The following MYRIP variants were observed in gnomAD, a reference collection of about 807,000 sequenced individuals.
MYRIP encodes rab effector MyRIP.
In MYRIP, 49 loss-of-function variants were observed where a neutral mutation model predicts 98.0. The ratio of observed to expected loss-of-function variants is 0.50; its 90% CI spans 0.40 to 0.63. MYRIP has a LOEUF of 0.63. Ranked by LOEUF, MYRIP falls within the 30% of genes least tolerant of loss-of-function variation. The pLI is 0.00. For missense variants in MYRIP, 1,004 were observed against 1,058.2 expected, an observed-to-expected ratio of 0.95 and a Z score of 0.71; for synonymous variants, 404 against 409.5, an observed-to-expected ratio of 0.99 and a Z score of 0.16.
chr3:39,998,330 A>G (rs1946422487), intron 2 of MYRIP, among the ~76,000 whole-genome samples: 1 of 152,362 alleles, frequency 6.6e-6, no homozygotes, highest in South Asian at 2.1e-4. Context: ...CAACTTCAGC[A>G]AAGTCTCAGG....
rs548997990 is a variant in MYRIP at position 39,812,013 on chromosome 3, A to T, written c.-31+2097A>T. ...TGTGTATGCACAGACTCTTGCCGGA[A>T]AGCCAAGTTAAAGGGAGATGACTGA... On this transcript the variant is annotated intron_variant, in intron 1 of 16. Transcript: ENST00000302541. 6.6e-5 allele frequency among the ~76,000 whole-genome samples: 10 copies of T among 152,236 alleles called. 1 individual carries two copies. Among genetic ancestry groups the T allele is most frequent in the African/African-American group, 2.4e-4 (10 of 41,540 alleles).
intron 2 of MYRIP, among the ~76,000 whole-genome samples, chr3:39,928,292 A>ACAG (rs1370153423): frequency 1.0e-4 from 13 of 124,212 alleles, no homozygotes; most frequent in Non-Finnish European, 1.6e-4. Flanking sequence ...TGCAGAAAAT[A>ACAG]TAGGAGGGAC....
intron 2 of MYRIP, among the ~76,000 whole-genome samples, chr3:39,974,851 C>G (rs4588298): frequency 0.012 from 1,839 of 149,052 alleles, 36 homozygotes; most frequent in African/African-American, 0.041. Context: ...ATTCAACAAC[C>G]CTTCATGCTA....
At chr3:40,058,026 T>C (rs1947918066) in intron 3 of MYRIP, among the ~76,000 whole-genome samples, 1 of 152,226 alleles carries the variant, frequency 6.6e-6, no homozygotes, top group African/African-American at 2.4e-5. Context: ...TGTTTTCATT[T>C]TGAAGTTGCT....
chr3:39,905,596 T>C (rs1307221979), intron 2 of MYRIP, among the ~76,000 whole-genome samples: 2 of 152,172 alleles, frequency 1.3e-5, no homozygotes, highest in South Asian at 2.1e-4. Flanking sequence ...CCTCTTTACC[T>C]CCTTCTGCCC....
At chr3:40,032,802 T>G (rs550657211) in intron 2 of MYRIP, among the ~76,000 whole-genome samples, 1 of 152,174 alleles carries the variant, frequency 6.6e-6, no homozygotes, top group South Asian at 2.1e-4. Context: ...TTGATGAAAA[T>G]TGATGCAAAA....
In MYRIP at chr3:39,823,315, G is replaced by C. The variant is rs550400738; in HGVS notation, c.-31+13399G>C. 9.5e-4 allele frequency among the ~76,000 whole-genome samples: 145 copies of C among 152,206 alleles called. 2 individuals are homozygous for C. In the Middle Eastern group the frequency reaches 0.027, roughly 29 times the overall value. Reference sequence around the variant, plus strand: ...AGGCGTGAGCCACCGTGCCTGGTCAGATGTCTTTTCAATACACTGATTTCT... The same window carrying C: ...AGGCGTGAGCCACCGTGCCTGGTCACATGTCTTTTCAATACACTGATTTCT... On this transcript the variant is annotated intron_variant, in intron 1 of 16. Transcript: ENST00000302541.
intron 2 of MYRIP, among the ~76,000 whole-genome samples, chr3:39,971,746 A>G (rs1945588296): frequency 6.6e-6 from 1 of 152,028 alleles, no homozygotes; most frequent in African/African-American, 2.4e-5. Context: ...TAATCTTTAG[A>G]TGATTTTGAA....
At chr3:40,160,182 T>A (rs189182390) in intron 4 of MYRIP, among the ~76,000 whole-genome samples, 3,891 of 152,320 alleles carry the variant, frequency 0.026, 152 homozygotes, top group African/African-American at 0.088. Flanking sequence ...GGTGTGGATA[T>A]CCTTTCTGTT....
intron 9 of MYRIP, among the ~76,000 whole-genome samples, chr3:40,189,548 A>G (rs1297650511): frequency 2.0e-5 from 3 of 152,158 alleles, no homozygotes; most frequent in Non-Finnish European, 4.4e-5. Flanking sequence ...AGTGCTGAGG[A>G]GACTGAGATG....
rs777637124 is a variant in MYRIP at position 40,250,321 on chromosome 3, A to T, written c.2362A>T (p.Thr788Ser). The T allele has an allele frequency of 1.2e-6, 2 of 1,613,870 alleles. No individual in the cohort carries two copies. Among genetic ancestry groups the T allele is most frequent in the Non-Finnish European group, 1.7e-6 (2 of 1,179,734 alleles). Residue 788 changes from threonine (T) to serine (S), a missense_variant, in exon 14 of 17, where the codon ACC becomes TCC. Coordinates refer to ENST00000302541, the MANE Select transcript of MYRIP (RefSeq NM_015460.4). ...FTRRRDQKQR[T>S]QVQTIDTSRQ... ...AAGAAGACGGGATCAGAAGCAAAGG[A>T]CCCAGGTGTGTTTGTCCCTTTCTCC...
In MYRIP at chr3:40,044,233, C is replaced by T; in HGVS notation, c.294C>T (p.His98=). 12 of 1,614,170 alleles carry T rather than the reference C, an allele frequency of 7.4e-6. No individual in the cohort carries two copies. The highest frequency in any genetic ancestry group is 1.1e-5 in the South Asian group (1 of 91,086). ...AGAGCTGCTGCTCCTACCAGAAGCACGAAAAGGCCTGGGTCTGCTGCGTCT... is the reference window on the plus strand; with the variant it reads ...AGAGCTGCTGCTCCTACCAGAAGCATGAAAAGGCCTGGGTCTGCTGCGTCT... ...VCKSCCSYQK[H]EKAWVCCVCQ... is the part of the protein sequence containing the mutation. Residue 98 remains histidine, a synonymous_variant, in exon 3 of 17, where the codon CAC becomes CAT. Transcript: ENST00000302541.
intron 1 of MYRIP, among the ~76,000 whole-genome samples, chr3:39,854,161 G>T (rs1942218034): frequency 6.6e-6 from 1 of 152,074 alleles, no homozygotes; most frequent in Admixed American, 6.5e-5. Context: ...GTATAAAATA[G>T]TATCAAAAGT....
At chr3:40,031,551 G>A (rs1351795559) in intron 2 of MYRIP, among the ~76,000 whole-genome samples, 1 of 152,098 alleles carries the variant, frequency 6.6e-6, no homozygotes, top group African/African-American at 2.4e-5. Flanking sequence ...GGTCTTGAAG[G>A]GCTGTACTCT....
intron 3 of MYRIP, among the ~76,000 whole-genome samples, chr3:40,134,252 G>A (rs560198895): frequency 5.3e-5 from 8 of 152,280 alleles, no homozygotes; most frequent in African/African-American, 1.4e-4. Flanking sequence ...CACCTGGCTC[G>A]GAGGGTCCTA....
intron 2 of MYRIP, among the ~76,000 whole-genome samples, chr3:39,983,879 A>AC (rs1350373364): frequency 6.6e-6 from 1 of 152,200 alleles, no homozygotes; most frequent in Admixed American, 6.5e-5. Flanking sequence ...AGGAAATAAT[A>AC]CCCCCTGTTA....
intron 1 of MYRIP, among the ~76,000 whole-genome samples, chr3:39,884,984 G>A (rs1943253473): frequency 7.7e-6 from 1 of 129,218 alleles, no homozygotes; most frequent in Non-Finnish European, 1.5e-5. Flanking sequence ...CCTCTATAGA[G>A]GTGGTATAAA....
chr3:40,020,128 G>C (rs919870521), intron 2 of MYRIP, among the ~76,000 whole-genome samples: 2 of 152,042 alleles, frequency 1.3e-5, no homozygotes, highest in East Asian at 1.9e-4. Context: ...TAGTTTTTCA[G>C]CCCAAAACTC....
chr3:39,889,567 A>G (rs1234703267), intron 1 of MYRIP, among the ~76,000 whole-genome samples: 2 of 152,198 alleles, frequency 1.3e-5, no homozygotes. Flanking sequence ...ATTGGGAGAT[A>G]TACCTAATGC....
Sources: allele counts gnomAD v4.1 joint callset (sites outside exome capture counted in the v4.1 genomes callset), GRCh38; gene constraint gnomAD v4.1.1; transcripts MANE v1.5; gene names NCBI Gene and HGNC (gene_info 2026-07-23, HGNC 2026-07-21).